Variants in CKAP2 observed in about 807,000 individuals in gnomAD.
The protein encoded by CKAP2 is cytoskeleton associated protein 2.
A neutral mutation model predicts 58.4 loss-of-function variants in CKAP2; 46 were observed. That is an observed-to-expected ratio of 0.79 (90% CI 0.62 to 1.01). The LOEUF is 1.01. Among genes scored for constraint, CKAP2 ranks in the 50% least tolerant of loss-of-function variants. The pLI is 0.00. For synonymous variants in CKAP2, 293 were observed against 280.9 expected, an observed-to-expected ratio of 1.04 and a Z score of -0.43; for missense variants, 809 against 796.4, an observed-to-expected ratio of 1.02 and a Z score of -0.19.
At chr13:52,468,250 A>T (rs1361382476) in intron 6 of CKAP2, 28 bp from the exon 7 acceptor site, 2 of 1,389,826 alleles carry the variant, frequency 1.4e-6, no homozygotes, top group African/African-American at 1.5e-5. Context: ...ACTTACATGG[A>T]TCTGCTTTCT....
intron 7 of CKAP2, among the ~76,000 whole-genome samples, chr13:52,473,231 G>C (rs1021617674): frequency 6.6e-6 from 1 of 151,960 alleles, no homozygotes; most frequent in African/African-American, 2.4e-5. Flanking sequence ...AATTATGTCT[G>C]TCTCTGGTGA....
At chr13:52,459,052 G>A (rs1958530869) in intron 2 of CKAP2, among the ~76,000 whole-genome samples, 1 of 152,068 alleles carries the variant, frequency 6.6e-6, no homozygotes, top group Non-Finnish European at 1.5e-5. Flanking sequence ...AGACAGAATA[G>A]GATTAAGTCT....
rs1432780805 is a variant in CKAP2 at position 52,468,367 on chromosome 13, T to C, written c.1546+20T>C. On this transcript the variant is annotated intron_variant, in intron 7 of 8. Transcript: ENST00000258607. ...ATTTAGGTAAGTTTTAGTTATTTTATTTCCTTCATGTGAACTGTAGTTTTT... is the reference window on the plus strand; with the variant it reads ...ATTTAGGTAAGTTTTAGTTATTTTACTTCCTTCATGTGAACTGTAGTTTTT... The C allele has an allele frequency of 6.9e-7, 1 of 1,447,722 alleles. No homozygotes were observed. 89.7% of individuals were successfully genotyped at this position (1,447,722 alleles called of 1,614,324 possible).
intron 1 of CKAP2, chr13:52,456,017 C>T: frequency 1.5e-5 from 16 of 1,055,920 alleles, no homozygotes; most frequent in Non-Finnish European, 1.8e-5. Flanking sequence ...TAGCGAATTT[C>T]TGCAGGGCTG....
chr13:52,470,629 G>T (rs1023465515), intron 7 of CKAP2, among the ~76,000 whole-genome samples: 3 of 152,092 alleles, frequency 2.0e-5, no homozygotes, highest in Non-Finnish European at 4.4e-5. Flanking sequence ...GTTCATTGGG[G>T]TTAATATGCT....
At chr13:52,468,046 G>A (rs1358652904) in intron 6 of CKAP2, among the ~76,000 whole-genome samples, 3 of 152,002 alleles carry the variant, frequency 2.0e-5, no homozygotes, top group East Asian at 3.9e-4. Context: ...TCCTGACCTC[G>A]TGATCTGCCC....
chr13:52,456,285 C>T (rs760600648), intron 1 of CKAP2: 1 of 765,634 alleles, frequency 1.3e-6, no homozygotes, highest in Non-Finnish European at 1.8e-6. Flanking sequence ...AGATTTTTCA[C>T]AGGGAGTAGA....
rs536594056 is a variant in CKAP2, at chr13:52,475,274, T to C, written c.*133T>C. 568 of 1,064,524 alleles carry C rather than the reference T, an allele frequency of 5.3e-4. No individual in the cohort carries two copies. Among genetic ancestry groups the C allele is most frequent in the Non-Finnish European group, 7.1e-4 (534 of 751,248 alleles). The allele number at this position is 1,064,524 out of a possible 1,614,324, so 65.9% of individuals were successfully genotyped here. A position where few individuals can be genotyped will look rare whatever the true frequency, so the allele number is the denominator to read the frequency against. ...ATCCTAAGCATTCACGGCAGTGAGC[T>C]CCTTTACTAACATTCATGTTATGGC... On this transcript the variant is annotated 3_prime_UTR_variant, in exon 9 of 9. Transcript: ENST00000258607.
Sources: allele counts gnomAD v4.1 joint callset (sites outside exome capture counted in the v4.1 genomes callset), GRCh38; gene constraint gnomAD v4.1.1; transcripts MANE v1.5; gene names NCBI Gene and HGNC (gene_info 2026-07-23, HGNC 2026-07-21).